Variants in SLC24A2 observed in about 807,000 individuals in gnomAD.
SLC24A2 encodes the protein solute carrier family 24 member 2.
SLC24A2 carries 36 observed loss-of-function variants against 62.0 expected under a neutral mutation model. That is an observed-to-expected ratio of 0.58 (90% CI 0.44 to 0.77). The LOEUF (loss-of-function observed/expected upper bound fraction) is 0.77. SLC24A2 is among the 30% of genes least tolerant of loss of function. The probability of loss-of-function intolerance (pLI) is 0.00; values close to 1 mark genes in which losing one functional copy is unlikely to be tolerated. For synonymous variants in SLC24A2, 358 were observed against 294.0 expected (o/e 1.22, Z -2.23); for missense variants, 846 against 817.9 (o/e 1.03, Z -0.42).
the SLC24A2 span, among the ~76,000 whole-genome samples, chr9:20,112,606 T>C: frequency 6.6e-6 from 1 of 152,114 alleles, no homozygotes; most frequent in Non-Finnish European, 1.5e-5. Context: ...AGTGATCTCA[T>C]ATACTCAAAG....
At chr9:20,270,493 T>G in the SLC24A2 span, among the ~76,000 whole-genome samples, 6 of 152,178 alleles carry the variant, frequency 3.9e-5, no homozygotes, top group South Asian at 2.1e-4. Context: ...ATCCCCACCA[T>G]CAAATTCAAG....
intron 5 of SLC24A2, among the ~76,000 whole-genome samples, chr9:19,583,109 T>C (rs1836257139): frequency 6.6e-6 from 1 of 152,166 alleles, no homozygotes; most frequent in Admixed American, 6.6e-5. Context: ...AGCCAAAGTC[T>C]TACTGATTCT....
chr9:19,925,857 T>G, the SLC24A2 span, among the ~76,000 whole-genome samples: 21 of 152,274 alleles, frequency 1.4e-4, no homozygotes, highest in Admixed American at 9.8e-4. Context: ...CTGACAGAGA[T>G]TTTAATCGTG....
At chr9:20,307,613 C>T in the SLC24A2 span, among the ~76,000 whole-genome samples, 303 of 152,292 alleles carry the variant, frequency 2.0e-3, no homozygotes, top group Middle Eastern at 6.8e-3. Context: ...GACAACTATA[C>T]TTGGGGTCCA....
At chr9:20,151,659 G>C in the SLC24A2 span, among the ~76,000 whole-genome samples, 2 of 151,928 alleles carry the variant, frequency 1.3e-5, no homozygotes, top group South Asian at 4.1e-4. Context: ...GAGGAACGTG[G>C]TCTTTCTCTA....
At chr9:19,840,746 A>G in the SLC24A2 span, among the ~76,000 whole-genome samples, 27 of 152,144 alleles carry the variant, frequency 1.8e-4, no homozygotes, top group Admixed American at 2.0e-4. Context: ...CAACATTTCT[A>G]TCACCCTAGA....
At chr9:20,199,584 A>AT in the SLC24A2 span, among the ~76,000 whole-genome samples, 1 of 152,290 alleles carries the variant, frequency 6.6e-6, no homozygotes, top group African/African-American at 2.4e-5. Flanking sequence ...GATTTTCAAT[A>AT]TTTTTCAATT....
chr9:20,145,362 G>A, the SLC24A2 span, among the ~76,000 whole-genome samples: 1 of 151,992 alleles, frequency 6.6e-6, no homozygotes, highest in African/African-American at 2.4e-5. Flanking sequence ...TCTCTTCACT[G>A]TCTCTCCACT....
At chr9:19,924,186 G>C in the SLC24A2 span, among the ~76,000 whole-genome samples, 9 of 152,178 alleles carry the variant, frequency 5.9e-5, no homozygotes, top group East Asian at 1.5e-3. Context: ...CAGGCAATGG[G>C]TGTTACTATC....
chr9:19,615,683 T>A (rs1817748419), intron 4 of SLC24A2, among the ~76,000 whole-genome samples: 1 of 152,162 alleles, frequency 6.6e-6, no homozygotes, highest in Non-Finnish European at 1.5e-5. Context: ...GCCTCCCACA[T>A]CTTTCAGGGA....
At chr9:19,955,929 T>A in the SLC24A2 span, among the ~76,000 whole-genome samples, 1 of 152,236 alleles carries the variant, frequency 6.6e-6, no homozygotes, top group Non-Finnish European at 1.5e-5. Context: ...CAAGTTGGAA[T>A]TAAATTAATC....
At chr9:20,210,628 A>C in the SLC24A2 span, among the ~76,000 whole-genome samples, 10 of 128,046 alleles carry the variant, frequency 7.8e-5, no homozygotes, top group Non-Finnish European at 1.1e-4. Flanking sequence ...CGCCCGCCAC[A>C]ACGCCCGGCT....
At chr9:20,096,402 CAT>C in the SLC24A2 span, among the ~76,000 whole-genome samples, 1 of 152,182 alleles carries the variant, frequency 6.6e-6, no homozygotes, top group Admixed American at 6.5e-5. Context: ...TAATTATCCA[CAT>C]GTTATTGACT....
chr9:19,973,006 C>A, the SLC24A2 span, among the ~76,000 whole-genome samples: 1 of 152,118 alleles, frequency 6.6e-6, no homozygotes, highest in Non-Finnish European at 1.5e-5. Context: ...AACTGGTGAT[C>A]AGCCAGGCCA....
chr9:20,235,927 G>T, the SLC24A2 span, among the ~76,000 whole-genome samples: 9 of 152,098 alleles, frequency 5.9e-5, no homozygotes, highest in Admixed American at 5.9e-4. Flanking sequence ...CTCACTGTAA[G>T]CTTTCCAAGG....
chr9:19,582,078 G>C (rs1323253938), intron 5 of SLC24A2, among the ~76,000 whole-genome samples: 4 of 152,148 alleles, frequency 2.6e-5, no homozygotes, highest in African/African-American at 7.2e-5. Context: ...TTGCAAAAGA[G>C]TACCAGCTGA....
At chr9:20,183,034 A>C in the SLC24A2 span, among the ~76,000 whole-genome samples, 1 of 152,150 alleles carries the variant, frequency 6.6e-6, no homozygotes, top group Non-Finnish European at 1.5e-5. Flanking sequence ...TTTAACTCTC[A>C]TGTTTTAAAA....
At chr9:20,223,661 T>C in the SLC24A2 span, among the ~76,000 whole-genome samples, 1 of 152,068 alleles carries the variant, frequency 6.6e-6, no homozygotes. Flanking sequence ...TAGAAAGACC[T>C]AAAAACAGGC....
chr9:20,303,640 C>T, the SLC24A2 span, among the ~76,000 whole-genome samples: 10 of 152,294 alleles, frequency 6.6e-5, no homozygotes, highest in South Asian at 6.2e-4. Context: ...CCTTGAAGAT[C>T]GTCCAACCCT....
Sources: allele counts gnomAD v4.1 joint callset (sites outside exome capture counted in the v4.1 genomes callset), GRCh38; gene constraint gnomAD v4.1.1; transcripts MANE v1.5; gene names NCBI Gene and HGNC (gene_info 2026-07-23, HGNC 2026-07-21).